The following ACTR3C variants were observed in gnomAD, a reference collection of about 807,000 sequenced individuals.
ACTR3C encodes the protein actin-related protein 3C.
A neutral mutation model predicts 26.3 loss-of-function variants in ACTR3C; 18 were observed. The ratio of observed to expected loss-of-function variants is 0.68; its 90% confidence interval spans 0.47 to 1.01. The LOEUF (loss-of-function observed/expected upper bound fraction) is 1.01, where lower values mean the gene tolerates loss of function less well. Among genes scored for constraint, ACTR3C ranks in the 50% least tolerant of loss-of-function variants. The pLI is 0.00. For synonymous variants in ACTR3C, 55 were observed against 94.5 expected (o/e 0.58, Z 2.42); for missense variants, 184 against 250.7 (o/e 0.73, Z 1.80).
the ACTR3C span, among the ~76,000 whole-genome samples, chr7:150,042,656 G>C: frequency 1.3e-5 from 2 of 151,806 alleles, no homozygotes; most frequent in Admixed American, 6.6e-5. Context: ...ATCACAAAAT[G>C]GGGGGCCTTT....
At chr7:150,201,015 G>T in the ACTR3C span, among the ~76,000 whole-genome samples, 284 of 152,258 alleles carry the variant, frequency 1.9e-3, no homozygotes, top group African/African-American at 6.7e-3. Context: ...ATATTGTCTA[G>T]ATGTTGGTTT....
At chr7:150,132,971 G>A in the ACTR3C span, among the ~76,000 whole-genome samples, 1 of 152,038 alleles carries the variant, frequency 6.6e-6, no homozygotes, top group Non-Finnish European at 1.5e-5. Context: ...TAACTCAGCT[G>A]TTTTTCTCAG....
At chr7:150,041,543 CGCGGGGG>C in the ACTR3C span, 1 of 207,018 alleles carries the variant, frequency 4.8e-6, no homozygotes, top group African/African-American at 2.7e-5. Context: ...GTCCCCGCCT[CGCGGGGG>C]GTGCCTCCCC....
At chr7:150,159,040 G>GCACA in the ACTR3C span, among the ~76,000 whole-genome samples, 1 of 16,560 alleles carries the variant, frequency 6.0e-5, no homozygotes, top group Non-Finnish European at 8.5e-5. Flanking sequence ...ACACACTCAG[G>GCACA]CACACACCGT....
At chr7:150,194,258 ATTTT>A in the ACTR3C span, among the ~76,000 whole-genome samples, 5 of 140,984 alleles carry the variant, frequency 3.5e-5, no homozygotes, top group South Asian at 4.4e-4. Flanking sequence ...ATAGAAAAGT[ATTTT>A]CTTTTATATA....
At chr7:150,037,531 G>A in the ACTR3C span, among the ~76,000 whole-genome samples, 64 of 39,340 alleles carry the variant, frequency 1.6e-3, 23 homozygotes, top group Middle Eastern at 0.045. Flanking sequence ...CCCCACCTTC[G>A]CGGGGGGTGC....
In ACTR3C at chr7:150,302,107, A is replaced by G. The variant is rs1222196115; in HGVS notation, c.-51-6760T>C. Among the ~76,000 whole-genome samples the G allele has an allele frequency of 6.6e-5, 10 of 152,232 alleles. No homozygotes were observed. In the South Asian group the frequency reaches 1.9e-3, roughly 28 times the overall value. The stretch of plus-strand genomic sequence containing the variant: ...GAAAAGCAATAAAACAACGATACGT[A>G]AAAGAGCACAGGGCATGAACAGACA... On this transcript the variant is annotated intron_variant, in intron 1 of 7. Coordinates refer to ENST00000683684, the MANE Select transcript of ACTR3C (RefSeq NM_001164458.2).
chr7:150,160,485 T>C, the ACTR3C span, among the ~76,000 whole-genome samples: 1 of 152,196 alleles, frequency 6.6e-6, no homozygotes, highest in Non-Finnish European at 1.5e-5. Flanking sequence ...GGGGCATCAA[T>C]CTGCAACACT....
At chr7:149,957,971 C>G in the ACTR3C span, among the ~76,000 whole-genome samples, 1 of 152,118 alleles carries the variant, frequency 6.6e-6, no homozygotes, top group Admixed American at 6.5e-5. Context: ...GGTGTTTCTC[C>G]AGCAACCGAC....
the ACTR3C span, chr7:150,001,926 A>C: frequency 6.6e-6 from 1 of 152,264 alleles, no homozygotes; most frequent in Non-Finnish European, 1.5e-5. Context: ...TGAGGCAGGA[A>C]GTGACCTTTG....
At chr7:150,176,110 C>CA in the ACTR3C span, among the ~76,000 whole-genome samples, 1 of 150,410 alleles carries the variant, frequency 6.6e-6, no homozygotes, top group Non-Finnish European at 1.5e-5. Flanking sequence ...AAATACATGG[C>CA]AAAAAAACAC....
At chr7:150,099,745 C>CTCTGGG in the ACTR3C span, among the ~76,000 whole-genome samples, 2 of 151,526 alleles carry the variant, frequency 1.3e-5, no homozygotes, top group South Asian at 2.1e-4. Flanking sequence ...TAGGGTGGAT[C>CTCTGGG]TCTGGGTCTG....
the ACTR3C span, among the ~76,000 whole-genome samples, chr7:149,960,446 T>C: frequency 7.2e-4 from 109 of 152,320 alleles, 1 homozygote; most frequent in Non-Finnish European, 1.1e-3. Flanking sequence ...AAATGCATAC[T>C]ACAAACAACC....
chr7:150,032,720 A>G, the ACTR3C span, among the ~76,000 whole-genome samples: 1 of 152,186 alleles, frequency 6.6e-6, no homozygotes, highest in South Asian at 2.1e-4. Context: ...GTGAAGTCCC[A>G]CAGCCTCTGG....
the ACTR3C span, among the ~76,000 whole-genome samples, chr7:150,164,126 G>A: frequency 2.6e-5 from 4 of 152,088 alleles, no homozygotes; most frequent in Non-Finnish European, 5.9e-5. Context: ...ATGCGGGCAC[G>A]CTGGTTACCA....
chr7:150,222,918 G>A, the ACTR3C span, among the ~76,000 whole-genome samples: 1,140 of 152,246 alleles, frequency 7.5e-3, 4 homozygotes, highest in Non-Finnish European at 0.012. Flanking sequence ...TGAATTTGGG[G>A]TTTCACTATG....
chr7:150,134,723 T>C, the ACTR3C span, among the ~76,000 whole-genome samples: 1 of 152,294 alleles, frequency 6.6e-6, no homozygotes, highest in Non-Finnish European at 1.5e-5. Flanking sequence ...ATCCCATCTG[T>C]CACTACGTCA....
intron 1 of ACTR3C, among the ~76,000 whole-genome samples, chr7:150,300,192 A>T (rs35942499): frequency 4.1e-4 from 63 of 152,086 alleles, no homozygotes; most frequent in Non-Finnish European, 8.4e-4. Context: ...CTCTACTAAA[A>T]ATACAAAAAT....
At chr7:150,035,504 G>A in the ACTR3C span, among the ~76,000 whole-genome samples, 163 of 121,522 alleles carry the variant, frequency 1.3e-3, no homozygotes, top group Non-Finnish European at 2.0e-3. Flanking sequence ...AGAGGGGATA[G>A]CTCTCAGTCC....
Sources: gnomAD v4.1 joint callset for allele counts (sites outside exome capture counted in the v4.1 genomes callset) on GRCh38, gnomAD v4.1.1 for gene constraint, MANE v1.5 for transcripts, NCBI Gene and HGNC (gene_info 2026-07-23, HGNC 2026-07-21) for gene names.